Variants in BBS9 observed in about 807,000 individuals in gnomAD.
BBS9 encodes protein PTHB1.
BBS9 carries 89 observed loss-of-function variants against 117.7 expected under a neutral mutation model. The observed-to-expected ratio is 0.76, with a 90% CI of 0.64 to 0.90. BBS9 has a LOEUF of 0.90. Ranked by LOEUF, BBS9 falls within the 40% of genes least tolerant of loss-of-function variation. The pLI is 0.00. For synonymous variants in BBS9, 379 were observed against 370.9 expected (o/e 1.02, Z -0.25); for missense variants, 982 against 1,042.2 (o/e 0.94, Z 0.80).
At chr7:33,364,909 TG>T (rs1213807781) in intron 16 of BBS9, among the ~76,000 whole-genome samples, 1 of 151,050 alleles carries the variant, frequency 6.6e-6, no homozygotes, top group African/African-American at 2.4e-5. Context: ...TCTTATTTTT[TG>T]TAGAGACAAG....
chr7:33,604,566 A>G (rs1864296639), intron 21 of BBS9, among the ~76,000 whole-genome samples: 1 of 152,214 alleles, frequency 6.6e-6, no homozygotes, highest in Non-Finnish European at 1.5e-5. Flanking sequence ...TGGATATCAC[A>G]TATGCTATAG....
chr7:33,243,154 T>C (rs1383654264), intron 5 of BBS9, among the ~76,000 whole-genome samples: 1 of 152,244 alleles, frequency 6.6e-6, no homozygotes, highest in East Asian at 1.9e-4. Context: ...AGGTCATCAA[T>C]GTATTCATAG....
At chr7:33,419,489 T>C (rs1010026355) in intron 19 of BBS9, among the ~76,000 whole-genome samples, 14 of 152,306 alleles carry the variant, frequency 9.2e-5, no homozygotes, top group African/African-American at 3.1e-4. Context: ...TCTAATTACA[T>C]TCATTGTCAC....
At chr7:33,368,080 T>C (rs1178486984) in intron 17 of BBS9, among the ~76,000 whole-genome samples, 1 of 152,178 alleles carries the variant, frequency 6.6e-6, no homozygotes, top group African/African-American at 2.4e-5. Context: ...CTTACCATGA[T>C]CTAAATTTCA....
At chr7:33,598,474 A>T (rs1863259621) in intron 21 of BBS9, among the ~76,000 whole-genome samples, 1 of 152,176 alleles carries the variant, frequency 6.6e-6, no homozygotes. Context: ...ATTAAGTAAA[A>T]ATGAAAAAAC....
At chr7:33,513,212 C>T (rs1341593603) in intron 20 of BBS9, among the ~76,000 whole-genome samples, 1 of 152,188 alleles carries the variant, frequency 6.6e-6, no homozygotes, top group Non-Finnish European at 1.5e-5. Context: ...ATTTTTTCTT[C>T]ACTTAAAATT....
At chr7:33,178,849 A>G (rs1797713103) in intron 5 of BBS9, among the ~76,000 whole-genome samples, 1 of 152,086 alleles carries the variant, frequency 6.6e-6, no homozygotes. Flanking sequence ...AAGCAGCATC[A>G]GGGATATTTT....
intron 1 of BBS9, among the ~76,000 whole-genome samples, chr7:33,130,434 CA>C (rs1346051926): frequency 6.6e-6 from 1 of 152,166 alleles, no homozygotes; most frequent in African/African-American, 2.4e-5. Flanking sequence ...TTGGAGACCA[CA>C]ACAGTTTAGA....
At chr7:33,253,083 A>G (rs1796479338) in intron 5 of BBS9, among the ~76,000 whole-genome samples, 1 of 152,212 alleles carries the variant, frequency 6.6e-6, no homozygotes, top group Non-Finnish European at 1.5e-5. Context: ...ATCACTTAAG[A>G]AAATTAGCAA....
chr7:33,471,779 C>A (rs544511280), intron 19 of BBS9, among the ~76,000 whole-genome samples: 3 of 152,150 alleles, frequency 2.0e-5, no homozygotes, highest in Admixed American at 6.5e-5. Context: ...TGTCAGCAAA[C>A]CAGAGCAACA....
At chr7:33,205,753 T>G (rs1786787207) in intron 5 of BBS9, among the ~76,000 whole-genome samples, 1 of 152,224 alleles carries the variant, frequency 6.6e-6, no homozygotes, top group Non-Finnish European at 1.5e-5. Flanking sequence ...TTGATTTCTA[T>G]TTAATCAAAT....
At chr7:33,614,637 C>T (rs1161080266) in intron 21 of BBS9, among the ~76,000 whole-genome samples, 1 of 152,046 alleles carries the variant, frequency 6.6e-6, no homozygotes, top group Non-Finnish European at 1.5e-5. Context: ...GAGCTAGTAT[C>T]AGCGCAAGAA....
rs192635726 is a variant in BBS9 at position 33,166,878 on chromosome 7, G to A, written c.329-10600G>A. Among the ~76,000 whole-genome samples, 154 of 152,226 alleles carry A rather than the reference G, an allele frequency of 1.0e-3. No individual in the cohort carries two copies. In the Middle Eastern group the frequency reaches 0.017, roughly 17 times the overall value. On this transcript the variant is annotated intron_variant, in intron 4 of 22. Coordinates refer to ENST00000242067, the MANE Select transcript of BBS9 (RefSeq NM_198428.3). ...CCCACCCTGCTTTACCTCACCCTCCGTGGGCTGCACCCACTGTCCAACCAG... is the reference window on the plus strand; with the variant it reads ...CCCACCCTGCTTTACCTCACCCTCCATGGGCTGCACCCACTGTCCAACCAG...
intron 9 of BBS9, among the ~76,000 whole-genome samples, chr7:33,295,231 G>A (rs1805013711): frequency 6.6e-6 from 1 of 152,072 alleles, no homozygotes. Context: ...TTAAACCATA[G>A]TGGATAATTT....
chr7:33,400,118 A>G (rs1019400058), intron 19 of BBS9, among the ~76,000 whole-genome samples: 2 of 152,094 alleles, frequency 1.3e-5, no homozygotes, highest in Admixed American at 6.6e-5. Context: ...TATCTTGGTA[A>G]GTTTATCAGA....
chr7:33,275,139 T>A (rs1011101940), intron 9 of BBS9, among the ~76,000 whole-genome samples: 1 of 152,062 alleles, frequency 6.6e-6, no homozygotes, highest in Non-Finnish European at 1.5e-5. Context: ...CATATTTGCA[T>A]CAGTGTTTTA....
intron 10 of BBS9, among the ~76,000 whole-genome samples, chr7:33,338,083 C>T (rs1215691349): frequency 6.6e-6 from 1 of 151,740 alleles, no homozygotes; most frequent in East Asian, 1.9e-4. Flanking sequence ...TTAAAATAAC[C>T]GCTAATTAAG....
chr7:33,474,685 C>T (rs2128961250), intron 19 of BBS9, among the ~76,000 whole-genome samples: 1 of 152,296 alleles, frequency 6.6e-6, no homozygotes, highest in East Asian at 1.9e-4. Flanking sequence ...TGATGGCTCA[C>T]TCCTGTAATC....
At chr7:33,309,810 C>T (rs1362000501) in intron 9 of BBS9, among the ~76,000 whole-genome samples, 3 of 152,154 alleles carry the variant, frequency 2.0e-5, no homozygotes, top group Non-Finnish European at 2.9e-5. Flanking sequence ...TAGGCTGGCA[C>T]CTGTCAGTGC....
Sources: gnomAD v4.1 joint callset for allele counts (sites outside exome capture counted in the v4.1 genomes callset) on GRCh38, gnomAD v4.1.1 for gene constraint, MANE v1.5 for transcripts, NCBI Gene and HGNC (gene_info 2026-07-23, HGNC 2026-07-21) for gene names.